Variants in DPY19L1 observed in about 807,000 individuals in gnomAD.
DPY19L1 encodes the protein dpy-19 like C-mannosyltransferase 1.
Under a neutral mutation model 96.9 loss-of-function variants are expected in DPY19L1, and 35 were observed. The ratio of observed to expected loss-of-function variants is 0.36; its 90% CI spans 0.28 to 0.48. The LOEUF is 0.48. Ranked by LOEUF, DPY19L1 falls within the 20% of genes least tolerant of loss-of-function variation. The pLI, the probability that DPY19L1 is intolerant of heterozygous loss-of-function variation, is 0.99. For synonymous variants in DPY19L1, 205 were observed against 252.6 expected (o/e 0.81, Z 1.79); for missense variants, 521 against 777.9 (o/e 0.67, Z 3.93).
intron 7 of DPY19L1, among the ~76,000 whole-genome samples, chr7:34,987,262 A>G (rs1785070229): frequency 6.6e-6 from 1 of 152,070 alleles, no homozygotes; most frequent in African/African-American, 2.4e-5. Context: ...AGCTTGATCA[A>G]TGAAAACATC....
chr7:34,958,808 T>C (rs940096150), intron 10 of DPY19L1, among the ~76,000 whole-genome samples: 22 of 152,322 alleles, frequency 1.4e-4, no homozygotes, highest in Non-Finnish European at 2.6e-4. Context: ...TGTTACCTCA[T>C]TGTTTCACTT....
chr7:35,000,222 T>C (rs1343965322), intron 6 of DPY19L1, among the ~76,000 whole-genome samples: 1 of 152,144 alleles, frequency 6.6e-6, no homozygotes, highest in African/African-American at 2.4e-5. Context: ...CCAGATAACA[T>C]TAAAATAGCT....
chr7:34,978,030 G>C (rs1233882932), intron 7 of DPY19L1, among the ~76,000 whole-genome samples: 1 of 151,946 alleles, frequency 6.6e-6, no homozygotes, highest in African/African-American at 2.4e-5. Flanking sequence ...ATCATTCACT[G>C]AAGAATCAAT....
At position 34,942,601 on chromosome 7, in the gene DPY19L1, T is replaced by C. The variant is rs1482598989; in HGVS notation, c.1569+14A>G. On this transcript the variant is annotated intron_variant, in intron 17 of 21. Transcript: ENST00000638088. ...TTTAAGATAAGTAAAATTATAGTCA[T>C]ATTAAGTCTTTACCTCTCCATGATC... The C allele has an allele frequency of 1.3e-6, 2 of 1,579,054 alleles. No homozygotes were observed. Among genetic ancestry groups the C allele is most frequent in the Admixed American group, 1.9e-5 (1 of 53,378 alleles).
In DPY19L1 at chr7:34,931,800, T is replaced by C. The variant is rs1783758601; in HGVS notation, c.2091-71A>G. On this transcript the variant is annotated intron_variant, in intron 21 of 21. Transcript: ENST00000638088. Reference sequence around the variant, plus strand: ...ACTGCAGAGAAAGCAGAGCACTTCTTACATTCCTGACCTCAATTCCTTTTT... The same window carrying C: ...ACTGCAGAGAAAGCAGAGCACTTCTCACATTCCTGACCTCAATTCCTTTTT... 9.2e-5 allele frequency: 138 copies of C among 1,499,978 alleles called. 1 individual carries two copies. In the South Asian group the frequency reaches 1.8e-3, roughly 20 times the overall value. The allele number at this position is 1,499,978 out of a possible 1,614,324, so 92.9% of individuals were successfully genotyped here.
chr7:35,023,750 C>T (rs960735747), intron 1 of DPY19L1, among the ~76,000 whole-genome samples: 5 of 151,978 alleles, frequency 3.3e-5, no homozygotes, highest in African/African-American at 1.2e-4. Context: ...GACAGAGCTG[C>T]CTCCTTCTCT....
rs62461926 is a variant in DPY19L1, at chr7:34,932,889, T to G, written c.2091-1160A>C. Among the ~76,000 whole-genome samples the G allele has an allele frequency of 6.5e-3, 989 of 152,260 alleles. 4 individuals are homozygous for G. Among genetic ancestry groups the G allele is most frequent in the Non-Finnish European group, 0.011 (753 of 68,004 alleles). On this transcript the variant is annotated intron_variant, in intron 21 of 21. Coordinates refer to ENST00000638088, the MANE Select transcript of DPY19L1 (RefSeq NM_001366673.1). ...TTATTTTTAAATAAGAGAAAAAAAT[T>G]CCCAAGTCCCTCTTATGTTTAGTAG...
intron 7 of DPY19L1, among the ~76,000 whole-genome samples, chr7:34,974,669 G>A (rs1019227778): frequency 1.3e-5 from 2 of 152,102 alleles, no homozygotes; most frequent in Admixed American, 1.3e-4. Context: ...ATTAACTGGA[G>A]AGTTCAGTAT....
chr7:34,953,071 G>C (rs1305243050), intron 13 of DPY19L1, among the ~76,000 whole-genome samples: 1 of 152,098 alleles, frequency 6.6e-6, no homozygotes, highest in Non-Finnish European at 1.5e-5. Context: ...ACTGGAACAG[G>C]CTGACCTGAT....
At chr7:34,986,461 A>C (rs1452296364) in intron 7 of DPY19L1, among the ~76,000 whole-genome samples, 1 of 152,020 alleles carries the variant, frequency 6.6e-6, no homozygotes, top group Admixed American at 6.6e-5. Flanking sequence ...TAAAAATACA[A>C]ATAAATAAAA....
chr7:34,998,795 G>A (rs1785354622), intron 6 of DPY19L1, among the ~76,000 whole-genome samples: 1 of 152,222 alleles, frequency 6.6e-6, no homozygotes, highest in Admixed American at 6.5e-5. Context: ...GAATCAGCAG[G>A]CTGTGGGGAT....
At chr7:35,013,133 CAACAA>C (rs1785754919) in intron 4 of DPY19L1, among the ~76,000 whole-genome samples, 1 of 152,106 alleles carries the variant, frequency 6.6e-6, no homozygotes, top group Non-Finnish European at 1.5e-5. Flanking sequence ...AGTTCCACAT[CAACAA>C]ATTTATAGTT....
At chr7:35,019,267 T>A (rs1785932734) in intron 1 of DPY19L1, among the ~76,000 whole-genome samples, 1 of 152,038 alleles carries the variant, frequency 6.6e-6, no homozygotes, top group Non-Finnish European at 1.5e-5. Flanking sequence ...AATCAACCTA[T>A]GAAAATACTC....
intron 1 of DPY19L1, among the ~76,000 whole-genome samples, chr7:35,030,337 T>G (rs1786230720): frequency 6.6e-6 from 1 of 152,200 alleles, no homozygotes; most frequent in African/African-American, 2.4e-5. Context: ...ACAATCTCCC[T>G]AAACTAATAA....
intron 19 of DPY19L1, 125 bp from the exon 20 acceptor site, chr7:34,939,500 T>G: frequency 1.5e-6 from 1 of 676,962 alleles, no homozygotes; most frequent in Non-Finnish European, 2.4e-6. Flanking sequence ...GACTTCAAGA[T>G]TCAATGGCAG....
chr7:34,988,430 C>CT (rs77461383), intron 7 of DPY19L1, among the ~76,000 whole-genome samples: 1,776 of 142,950 alleles, frequency 0.012, 28 homozygotes, highest in African/African-American at 0.039. Flanking sequence ...AAAACCAAAT[C>CT]TTTTTTTTTT....
chr7:35,002,583 A>G (rs1332767093), intron 6 of DPY19L1, among the ~76,000 whole-genome samples: 1 of 145,806 alleles, frequency 6.9e-6, no homozygotes, highest in Admixed American at 6.8e-5. Context: ...TCAAGTGTCC[A>G]AGAGAACACA....
chr7:34,965,974 C>T (rs368322758), intron 10 of DPY19L1, among the ~76,000 whole-genome samples: 93 of 152,218 alleles, frequency 6.1e-4, no homozygotes, highest in Non-Finnish European at 1.0e-3. Flanking sequence ...TCTCCTACCC[C>T]CTGATCTTGG....
At chr7:34,951,658 A>G (rs1784268390) in intron 13 of DPY19L1, among the ~76,000 whole-genome samples, 2 of 151,988 alleles carry the variant, frequency 1.3e-5, no homozygotes, top group African/African-American at 4.8e-5. Context: ...ACAGGAAACA[A>G]AAAGAAGTAA....
Sources: allele counts gnomAD v4.1 joint callset (sites outside exome capture counted in the v4.1 genomes callset), GRCh38; gene constraint gnomAD v4.1.1; transcripts MANE v1.5; gene names NCBI Gene and HGNC (gene_info 2026-07-23, HGNC 2026-07-21).